The following IGF2BP3 variants were observed in gnomAD, a reference collection of about 807,000 sequenced individuals.
IGF2BP3 encodes the protein insulin-like growth factor 2 mRNA-binding protein 3.
IGF2BP3 carries 9 observed loss-of-function variants against 73.8 expected under a neutral mutation model. That is an observed-to-expected ratio of 0.12 (90% CI 0.07 to 0.21). IGF2BP3 has a LOEUF of 0.21. Among genes scored for constraint, IGF2BP3 ranks in the 10% least tolerant of loss-of-function variants. IGF2BP3 has a pLI of 1.00. For missense variants in IGF2BP3, 542 were observed against 714.0 expected, an observed-to-expected ratio of 0.76 and a Z score of 2.75; for synonymous variants, 258 against 256.7, an observed-to-expected ratio of 1.01 and a Z score of -0.05.
At chr7:23,319,671 C>T (rs771029670) in intron 10 of IGF2BP3, among the ~76,000 whole-genome samples, 20 of 152,102 alleles carry the variant, frequency 1.3e-4, no homozygotes, top group African/African-American at 2.7e-4. Context: ...AACTCAAGGA[C>T]GCCAGCTCCA....
intron 10 of IGF2BP3, among the ~76,000 whole-genome samples, chr7:23,319,858 G>A (rs1290189355): frequency 6.6e-6 from 1 of 152,180 alleles, no homozygotes; most frequent in Non-Finnish European, 1.5e-5. Context: ...TTAGTGGTAA[G>A]ATGCCCTAAG....
chr7:23,383,004 T>C (rs1785960832), intron 3 of IGF2BP3, among the ~76,000 whole-genome samples: 1 of 145,768 alleles, frequency 6.9e-6, no homozygotes. Context: ...GCCCAGGAAA[T>C]AGAGGTGAGC....
At chr7:23,428,005 CA>C (rs1283153262) in intron 2 of IGF2BP3, among the ~76,000 whole-genome samples, 3 of 150,478 alleles carry the variant, frequency 2.0e-5, no homozygotes, top group Admixed American at 6.6e-5. Flanking sequence ...GACACCATCT[CA>C]AAAAAAATAA....
intron 2 of IGF2BP3, among the ~76,000 whole-genome samples, chr7:23,427,196 A>C (rs1301285746): frequency 6.6e-6 from 1 of 152,178 alleles, no homozygotes; most frequent in African/African-American, 2.4e-5. Flanking sequence ...TGGACAGACA[A>C]AATCCTTAAG....
intron 2 of IGF2BP3, among the ~76,000 whole-genome samples, chr7:23,463,060 A>G (rs977486007): frequency 1.3e-5 from 2 of 152,234 alleles, no homozygotes; most frequent in Non-Finnish European, 2.9e-5. Context: ...GGAAGCTTGA[A>G]TCAGAGGCAA....
chr7:23,336,612 C>T (rs555819348), intron 10 of IGF2BP3, among the ~76,000 whole-genome samples: 13 of 151,944 alleles, frequency 8.6e-5, no homozygotes, highest in East Asian at 3.9e-4. Context: ...CTCATCGCAA[C>T]GCCTGGTTGT....
At chr7:23,468,292 G>C (rs1272356296) in intron 2 of IGF2BP3, among the ~76,000 whole-genome samples, 190 bp downstream of exon 2, 1 of 152,088 alleles carries the variant, frequency 6.6e-6, no homozygotes, top group Non-Finnish European at 1.5e-5. Flanking sequence ...CCACAGAAAA[G>C]CTTTCAATTC....
At position 23,440,314 on chromosome 7, in the gene IGF2BP3, T is replaced by C. The variant is rs1298411237; in HGVS notation, c.237-21490A>G. ...AGCTGGGCATGGTGGCACGTGCCCT[T>C]AATCCCAGTTACTGCAGAGGCCAAG... is the stretch of plus-strand genomic sequence containing the variant. On this transcript the variant is annotated intron_variant, in intron 2 of 14. Coordinates refer to ENST00000258729, the MANE Select transcript of IGF2BP3 (RefSeq NM_006547.3). Among the ~76,000 whole-genome samples the C allele has an allele frequency of 5.0e-4, 73 of 146,734 alleles. 1 individual carries two copies. Among genetic ancestry groups the C allele is most frequent in the Admixed American group, 5.0e-3 (73 of 14,732 alleles).
At chr7:23,340,089 A>G (rs1337617506) in intron 10 of IGF2BP3, among the ~76,000 whole-genome samples, 2 of 152,146 alleles carry the variant, frequency 1.3e-5, no homozygotes, top group Admixed American at 1.3e-4. Flanking sequence ...TCTGACCTTC[A>G]GTGACACAAA....
chr7:23,329,456 C>T lies in IGF2BP3; in HGVS notation c.1204-10202G>A, dbSNP rs80070478. 1.6e-3 allele frequency among the ~76,000 whole-genome samples: 240 copies of T among 152,294 alleles called. 1 individual carries two copies. The highest frequency in any genetic ancestry group is 5.5e-3 in the African/African-American group (228 of 41,556). ...TTTGTGCCCTGTTTGAATACCTCTA[C>T]TGCAACACGTTCTTAGAAGTAGAAC... On this transcript the variant is annotated intron_variant, in intron 10 of 14. Coordinates refer to ENST00000258729, the MANE Select transcript of IGF2BP3 (RefSeq NM_006547.3).
At position 23,313,582 on chromosome 7, in the gene IGF2BP3, T is replaced by C. The variant is rs1562663301; in HGVS notation, c.1467A>G (p.Glu489=). Residue 489 remains glutamate, a synonymous_variant, in exon 13 of 15, where the codon GAA becomes GAG. Coordinates refer to ENST00000258729, the MANE Select transcript of IGF2BP3 (RefSeq NM_006547.3). ...CAAAGGATGGCACTCTGATATGAGC[T>C]TCAAGTTTCACCTCTTCTTTAGGAC... ...FVSPKEEVKL[E]AHIRVPSFAA... The C allele has an allele frequency of 1.2e-6, 2 of 1,614,102 alleles. No individual in the cohort carries two copies. The highest frequency in any genetic ancestry group is 1.7e-6 in the Non-Finnish European group (2 of 1,180,014).
chr7:23,312,609 G>C, intron 14 of IGF2BP3, 126 bp downstream of exon 14: 2 of 884,650 alleles, frequency 2.3e-6, no homozygotes, highest in Non-Finnish European at 3.7e-6. Context: ...GAAATCACCC[G>C]CTAAAAGGGA....
At chr7:23,355,420 G>T (rs535400719) in intron 5 of IGF2BP3, among the ~76,000 whole-genome samples, 1 of 151,044 alleles carries the variant, frequency 6.6e-6, no homozygotes, top group South Asian at 2.1e-4. Context: ...AACTAGAGAC[G>T]GGGTTTCACC....
At chr7:23,407,722 G>A (rs960073440) in intron 3 of IGF2BP3, among the ~76,000 whole-genome samples, 2 of 151,770 alleles carry the variant, frequency 1.3e-5, no homozygotes, top group African/African-American at 2.4e-5. Flanking sequence ...TCCAGAAAAG[G>A]TAAACATGTT....
chr7:23,373,102 T>C (rs963199928), intron 3 of IGF2BP3, among the ~76,000 whole-genome samples: 1 of 152,166 alleles, frequency 6.6e-6, no homozygotes, highest in Non-Finnish European at 1.5e-5. Flanking sequence ...CACTAGAAAA[T>C]CAAATCTGTC....
intron 2 of IGF2BP3, among the ~76,000 whole-genome samples, chr7:23,433,670 A>T (rs1329148534): frequency 2.0e-5 from 3 of 152,120 alleles, no homozygotes; most frequent in African/African-American, 7.2e-5. Context: ...GTGGCTACTA[A>T]AAAGTTAAAA....
At chr7:23,447,838 A>G (rs752077370) in intron 2 of IGF2BP3, among the ~76,000 whole-genome samples, 3 of 151,984 alleles carry the variant, frequency 2.0e-5, no homozygotes, top group Non-Finnish European at 4.4e-5. Context: ...AAAATTAGCC[A>G]GGCATGATGG....
intron 2 of IGF2BP3, among the ~76,000 whole-genome samples, chr7:23,457,353 T>G (rs921658850): frequency 1.2e-4 from 18 of 151,776 alleles, no homozygotes; most frequent in Admixed American, 8.5e-4. Flanking sequence ...TAATCCCAGC[T>G]GCTCAGGAGG....
intron 10 of IGF2BP3, among the ~76,000 whole-genome samples, chr7:23,321,559 G>A (rs1053929890): frequency 6.6e-6 from 1 of 152,242 alleles, no homozygotes; most frequent in African/African-American, 2.4e-5. Flanking sequence ...CTCGAACTGG[G>A]TGGAGCCCAC....
Sources: gnomAD v4.1 joint callset for allele counts (sites outside exome capture counted in the v4.1 genomes callset) on GRCh38, gnomAD v4.1.1 for gene constraint, MANE v1.5 for transcripts, NCBI Gene and HGNC (gene_info 2026-07-23, HGNC 2026-07-21) for gene names.